Variants in DGKB observed in about 807,000 individuals in gnomAD.
DGKB encodes diacylglycerol kinase beta, also known as 90 kDa diacylglycerol kinase.
A neutral mutation model predicts 114.3 loss-of-function variants in DGKB; 67 were observed. The ratio of observed to expected loss-of-function variants is 0.59; its 90% CI spans 0.48 to 0.72. The LOEUF is 0.72. Ranked by LOEUF, DGKB falls within the 30% of genes least tolerant of loss-of-function variation. The pLI, the probability that DGKB is intolerant of heterozygous loss-of-function variation, is 0.00. For missense variants in DGKB, 907 were observed against 975.2 expected, an observed-to-expected ratio of 0.93 and a Z score of 0.93; for synonymous variants, 398 against 323.1, an observed-to-expected ratio of 1.23 and a Z score of -2.49.
rs56032330 is a variant in DGKB at position 14,923,983 on chromosome 7, C to CAAAAAAAAAAAAAAAAAAA, written c.-188+50694_-188+50712dup. 3.0e-4 allele frequency among the ~76,000 whole-genome samples: 23 copies of CAAAAAAAAAAAAAAAAAAA among 76,154 alleles called. 2 individuals carry two copies. Among genetic ancestry groups the CAAAAAAAAAAAAAAAAAAA allele is most frequent in the East Asian group, 2.9e-3 (4 of 1,382 alleles). The allele number at this position is 76,154 out of a possible 152,430, so 50.0% of individuals were successfully genotyped here. ...TGGGCAACACAGTGAAGCTCCATCT[C>CAAAAAAAAAAAAAAAAAAA]AAAAAAAAAAAAAAAAAAAAAGCTT... is the stretch of plus-strand genomic sequence containing the variant. On this transcript the variant is annotated intron_variant, in intron 1 of 4. Transcript: ENST00000437998.
At chr7:14,661,245 G>A (rs13237677) in intron 13 of DGKB, among the ~76,000 whole-genome samples, 106,623 of 143,958 alleles carry the variant, frequency 0.74, 39,761 homozygotes, top group Admixed American at 0.82. Context: ...AGCAAAAGAA[G>A]CTACCATCTG....
chr7:14,181,060 T>C (rs986573138), intron 23 of DGKB, among the ~76,000 whole-genome samples: 1 of 152,020 alleles, frequency 6.6e-6, no homozygotes, highest in African/African-American at 2.4e-5. Context: ...TTTAAAAATA[T>C]AAAAAAATAA....
At chr7:14,490,803 A>AT (rs1784490048) in intron 20 of DGKB, among the ~76,000 whole-genome samples, 1 of 152,156 alleles carries the variant, frequency 6.6e-6, no homozygotes, top group South Asian at 2.1e-4. Context: ...GAGTCAGTGA[A>AT]TTCTGTAATG....
rs1422035797 is a variant in DGKB, at chr7:14,370,911, G to A, written c.1836-25520C>T. Among the ~76,000 whole-genome samples the A allele has an allele frequency of 9.2e-5, 14 of 152,268 alleles. No homozygotes were observed. The East Asian group carries it at 2.1e-3, about 23-fold the overall frequency. ...AGCTCTTACTTATAAGTGAGAACAT[G>A]TGGTATTTGGTTTTCTGTTCCTCAG... On this transcript the variant is annotated intron_variant, in intron 21 of 25. Transcript: ENST00000402815.
Position 14,643,951 on chromosome 7 carries a change from C to T in DGKB, c.1135-13683G>A, listed in dbSNP as rs144831812. The stretch of plus-strand genomic sequence containing the variant: ...CCATTTAGGAGCCAGAGGAGTGGAC[C>T]AACCAGGGTCTACTGCCACCAACAC... On this transcript the variant is annotated intron_variant, in intron 13 of 25. Transcript: ENST00000402815. Among the ~76,000 whole-genome samples the T allele has an allele frequency of 3.8e-4, 58 of 152,218 alleles. 2 individuals carry two copies. In the East Asian group the frequency reaches 9.9e-3, roughly 26 times the overall value.
intron 2 of DGKB, among the ~76,000 whole-genome samples, chr7:14,779,743 C>T (rs1164238959): frequency 1.3e-5 from 2 of 152,104 alleles, no homozygotes; most frequent in African/African-American, 2.4e-5. Context: ...ATCCAACATA[C>T]ACAGAGAGAT....
chr7:14,756,896 A>G (rs1834952706), intron 3 of DGKB, among the ~76,000 whole-genome samples: 1 of 152,130 alleles, frequency 6.6e-6, no homozygotes, highest in African/African-American at 2.4e-5. Flanking sequence ...AACTAACAGT[A>G]ATGATGATCG....
chr7:14,571,149 A>G (rs938214821), intron 20 of DGKB, among the ~76,000 whole-genome samples: 1 of 152,000 alleles, frequency 6.6e-6, no homozygotes, highest in South Asian at 2.1e-4. Context: ...CAAAGCATAT[A>G]AAAAAAATGA....
chr7:14,737,917 G>T (rs1246030263), intron 4 of DGKB, among the ~76,000 whole-genome samples: 1 of 149,930 alleles, frequency 6.7e-6, no homozygotes, highest in Non-Finnish European at 1.5e-5. Context: ...AAAGAATATT[G>T]TCAATTCTAG....
chr7:14,490,853 A>G lies in DGKB; in HGVS notation c.1771-12628T>C, dbSNP rs192422839. The stretch of plus-strand genomic sequence containing the variant: ...ATATTTCACTCAATTATTTTTCTTT[A>G]GAGACAAAATGACAAAACTTTGTAT... On this transcript the variant is annotated intron_variant, in intron 20 of 25. Transcript: ENST00000402815. 1.5e-3 allele frequency among the ~76,000 whole-genome samples: 230 copies of G among 152,254 alleles called. 1 individual carries two copies. The highest frequency in any genetic ancestry group is 2.7e-3 in the Non-Finnish European group (186 of 67,996).
chr7:14,579,108 T>C (rs921975430), intron 19 of DGKB, among the ~76,000 whole-genome samples: 2 of 152,220 alleles, frequency 1.3e-5, no homozygotes, highest in African/African-American at 4.8e-5. Context: ...TCTCTATTAT[T>C]CATTCTTCTG....
chr7:14,442,536 A>G (rs1446512745), intron 21 of DGKB, among the ~76,000 whole-genome samples: 1 of 152,034 alleles, frequency 6.6e-6, no homozygotes, highest in East Asian at 1.9e-4. Flanking sequence ...AAATTTTTGG[A>G]GTTCATCCTG....
intron 21 of DGKB, among the ~76,000 whole-genome samples, chr7:14,371,973 C>T (rs1490186746): frequency 6.6e-6 from 1 of 152,164 alleles, no homozygotes; most frequent in Non-Finnish European, 1.5e-5. Flanking sequence ...CAAAGAATGA[C>T]TGACTTTGTA....
chr7:14,693,639 G>C (rs931053964), intron 9 of DGKB, among the ~76,000 whole-genome samples: 2 of 151,270 alleles, frequency 1.3e-5, no homozygotes, highest in African/African-American at 2.4e-5. Context: ...TAAACCACTG[G>C]AGATATTTAA....
chr7:14,339,238 A>C (rs1811206863), intron 22 of DGKB, among the ~76,000 whole-genome samples: 1 of 151,780 alleles, frequency 6.6e-6, no homozygotes, highest in African/African-American at 2.4e-5. Context: ...TTCAAAGCAG[A>C]GATTCTAAGA....
chr7:14,869,470 TG>T (rs1283916376), intron 1 of DGKB, among the ~76,000 whole-genome samples: 1 of 152,198 alleles, frequency 6.6e-6, no homozygotes, highest in Non-Finnish European at 1.5e-5. Flanking sequence ...AAACATTCTT[TG>T]TATTTTTACA....
chr7:14,324,273 A>G (rs1808341525), intron 23 of DGKB, among the ~76,000 whole-genome samples: 1 of 151,774 alleles, frequency 6.6e-6, no homozygotes, highest in Admixed American at 6.6e-5. Context: ...ACATGGTGAA[A>G]TTGTCTCTAC....
At position 14,163,672 on chromosome 7, in the gene DGKB, T is replaced by C. The variant is rs1784227077; in HGVS notation, c.2304+13167A>G. On this transcript the variant is annotated intron_variant, in intron 25 of 25. Transcript: ENST00000402815. ...GGCAGAAGACTATTAATTTTCTCTC[T>C]TCAAATTATCAACATTTAGGCTTAT... Among the ~76,000 whole-genome samples, 4 of 152,102 alleles carry C rather than the reference T, an allele frequency of 2.6e-5. No individual in the cohort carries two copies. The South Asian group carries it at 8.3e-4, about 31-fold the overall frequency.
Position 14,239,912 on chromosome 7 carries a change from T to C in DGKB, c.2123-61761A>G, listed in dbSNP as rs117405831. Among the ~76,000 whole-genome samples the C allele has an allele frequency of 9.3e-4, 141 of 152,238 alleles. 1 individual carries two copies. The highest frequency in any genetic ancestry group is 1.7e-3 in the Admixed American group (26 of 15,266). On this transcript the variant is annotated intron_variant, in intron 23 of 25. Transcript: ENST00000402815. ...GGGAAAGGGGACTAATACGTATCTA[T>C]TTTACCATATTACCTTTATAAATCC...
Sources: allele counts gnomAD v4.1 joint callset (sites outside exome capture counted in the v4.1 genomes callset), GRCh38; gene constraint gnomAD v4.1.1; transcripts MANE v1.5; gene names NCBI Gene and HGNC (gene_info 2026-07-23, HGNC 2026-07-21).